Variants in VPS35L observed in about 807,000 individuals in gnomAD.
VPS35L encodes VPS35 endosomal protein-sorting factor-like.
Under a neutral mutation model 133.0 loss-of-function variants are expected in VPS35L, and 83 were observed. The observed-to-expected ratio is 0.62, with a 90% CI of 0.52 to 0.75. The LOEUF is 0.75. Among genes scored for constraint, VPS35L ranks in the 30% least tolerant of loss-of-function variants. The probability of loss-of-function intolerance (pLI) is 0.00; values close to 1 mark genes in which losing one functional copy is unlikely to be tolerated. For missense variants in VPS35L, 1,083 were observed against 1,206.8 expected (o/e 0.90, Z 1.52); for synonymous variants, 423 against 449.9 (o/e 0.94, Z 0.76).
chr16:19,620,069 G>A lies in VPS35L; in HGVS notation c.1224+3261G>A, dbSNP rs138103775. On this transcript the variant is annotated intron_variant, in intron 14 of 30. Coordinates refer to ENST00000417362, the MANE Select transcript of VPS35L (RefSeq NM_020314.7). The stretch of plus-strand genomic sequence containing the variant: ...TATCTCATCTACAGAATTTCAAATC[G>A]AAATTGAAATCCAAGGTAAAAAATC... Among the ~76,000 whole-genome samples, 64 of 152,216 alleles carry A rather than the reference G, an allele frequency of 4.2e-4. 1 individual carries two copies. The East Asian group carries it at 0.011, about 26-fold the overall frequency.
At chr16:19,674,473 G>T (rs1468799821) in intron 27 of VPS35L, among the ~76,000 whole-genome samples, 1 of 151,964 alleles carries the variant, frequency 6.6e-6, no homozygotes, top group African/African-American at 2.4e-5. Flanking sequence ...TGGGATTTGT[G>T]CTGGGATTAC....
At chr16:19,634,715 A>G (rs1404435958) in intron 19 of VPS35L, among the ~76,000 whole-genome samples, 1 of 152,224 alleles carries the variant, frequency 6.6e-6, no homozygotes, top group Non-Finnish European at 1.5e-5. Flanking sequence ...TTATCAGTGT[A>G]TGCTAACCCT....
intron 7 of VPS35L, among the ~76,000 whole-genome samples, chr16:19,583,911 C>T (rs890687963): frequency 6.6e-6 from 1 of 152,170 alleles, no homozygotes; most frequent in Non-Finnish European, 1.5e-5. Flanking sequence ...TTCTACTCTC[C>T]ACTTCTATGA....
chr16:19,633,263 C>T lies in VPS35L; in HGVS notation c.1635+91C>T. On this transcript the variant is annotated intron_variant, in intron 19 of 30. Transcript: ENST00000417362. The surrounding 1 kb of genome is among the most constrained non-coding windows in gnomAD (Gnocchi z 4.1). The stretch of plus-strand genomic sequence containing the variant: ...TGTTGTATGGGTCAGGCTATAAAGG[C>T]ACATAATCCTGTGTTTGAATCATAG... 1 of 1,131,482 alleles carries T rather than the reference C, an allele frequency of 8.8e-7. No individual in the cohort carries two copies. Among genetic ancestry groups the T allele is most frequent in the Middle Eastern group, 2.0e-4 (1 of 5,112 alleles). 70.1% of individuals were successfully genotyped at this position (1,131,482 alleles called of 1,614,324 possible). A position where few individuals can be genotyped will look rare whatever the true frequency, so the allele number is the denominator to read the frequency against.
intron 26 of VPS35L, among the ~76,000 whole-genome samples, chr16:19,664,718 G>GC (rs1974604606): frequency 3.3e-5 from 5 of 152,096 alleles, no homozygotes; most frequent in Middle Eastern, 3.4e-3. Flanking sequence ...TGCCCAACAT[G>GC]GTGAAACCCC....
At chr16:19,604,103 A>G (rs1186612477) in intron 9 of VPS35L, among the ~76,000 whole-genome samples, 1 of 151,784 alleles carries the variant, frequency 6.6e-6, no homozygotes, top group African/African-American at 2.4e-5. Context: ...TTGAGCCAAC[A>G]GGTGGAACTG....
At chr16:19,666,928 C>CTTTCTTTCT (rs1377058679) in intron 26 of VPS35L, among the ~76,000 whole-genome samples, 1 of 85,946 alleles carries the variant, frequency 1.2e-5, no homozygotes, top group Non-Finnish European at 2.4e-5. Context: ...TTCTTTCTTT[C>CTTTCTTTCT]TTTCTTCCTT....
At chr16:19,560,580 G>C (rs1158812864) in intron 1 of VPS35L, among the ~76,000 whole-genome samples, 1 of 152,146 alleles carries the variant, frequency 6.6e-6, no homozygotes, top group Non-Finnish European at 1.5e-5. Context: ...TGGTTCACTT[G>C]AGGTCAGGAC....
chr16:19,610,039 A>G (rs1427635435), intron 11 of VPS35L, among the ~76,000 whole-genome samples: 1 of 152,214 alleles, frequency 6.6e-6, no homozygotes, highest in Non-Finnish European at 1.5e-5. Flanking sequence ...GTTAAAATTA[A>G]TAAAATAAAT....
intron 30 of VPS35L, 21 bp from the exon 31 acceptor site, chr16:19,700,357 G>C: frequency 1.3e-6 from 2 of 1,592,970 alleles, no homozygotes; most frequent in South Asian, 2.2e-5. Flanking sequence ...AAAGGAGATG[G>C]ATCTTTCTTT....
Position 19,608,277 on chromosome 16 carries a change from A to G in VPS35L, c.881+3A>G. ...ATCAGGGAACTCATTCCAAGATTGT[A>G]TCCTTTTTTTTTTTTTTGGTCTGAT... On this transcript the variant is annotated splice_donor_region_variant and intron_variant, in intron 10 of 30. Coordinates refer to ENST00000417362, the MANE Select transcript of VPS35L (RefSeq NM_020314.7). The G allele has an allele frequency of 6.7e-7, 1 of 1,496,710 alleles. No individual in the cohort carries two copies. The highest frequency in any genetic ancestry group is 9.1e-7 in the Non-Finnish European group (1 of 1,099,288). 92.7% of individuals were successfully genotyped at this position (1,496,710 alleles called of 1,614,324 possible).
chr16:19,622,140 C>CTTTTTTTTTTTTT (rs60521137), intron 14 of VPS35L, among the ~76,000 whole-genome samples: 14 of 107,918 alleles, frequency 1.3e-4, no homozygotes, highest in East Asian at 3.3e-4. Flanking sequence ...CCATGTATAT[C>CTTTTTTTTTTTTT]TTTTTTTTTT....
At chr16:19,603,661 A>G (rs1190608990) in intron 9 of VPS35L, among the ~76,000 whole-genome samples, 1 of 152,186 alleles carries the variant, frequency 6.6e-6, no homozygotes, top group Non-Finnish European at 1.5e-5. Flanking sequence ...AGAGGCAGGC[A>G]GAGGCCAGCC....
intron 7 of VPS35L, among the ~76,000 whole-genome samples, chr16:19,584,175 G>A (rs920993328): frequency 6.6e-6 from 1 of 152,234 alleles, no homozygotes; most frequent in South Asian, 2.1e-4. Context: ...GGTACTGCTG[G>A]TATTTCTTTG....
intron 28 of VPS35L, among the ~76,000 whole-genome samples, chr16:19,684,367 C>A (rs1182858863): frequency 2.6e-5 from 4 of 152,170 alleles, no homozygotes; most frequent in Non-Finnish European, 4.4e-5. Flanking sequence ...AGTTAAAAAA[C>A]CAACTCTACA....
At chr16:19,691,079 T>G (rs190353872) in intron 28 of VPS35L, among the ~76,000 whole-genome samples, 163 of 152,258 alleles carry the variant, frequency 1.1e-3, no homozygotes, top group Admixed American at 2.8e-3. Context: ...TGATGATGAT[T>G]ATTATTATTA....
chr16:19,632,326 T>A (rs888905975), intron 18 of VPS35L, among the ~76,000 whole-genome samples: 1 of 152,152 alleles, frequency 6.6e-6, no homozygotes, highest in African/African-American at 2.4e-5. Context: ...ATTGTCTCAT[T>A]TTTTTTAAGT....
intron 6 of VPS35L, among the ~76,000 whole-genome samples, chr16:19,581,199 T>C (rs888726629): frequency 1.3e-5 from 2 of 152,112 alleles, no homozygotes; most frequent in African/African-American, 4.8e-5. Flanking sequence ...GAGGTAAGTC[T>C]TGTTACCTCA....
intron 28 of VPS35L, among the ~76,000 whole-genome samples, chr16:19,684,968 G>A (rs191200942): frequency 6.6e-6 from 1 of 151,006 alleles, no homozygotes; most frequent in Non-Finnish European, 1.5e-5. Flanking sequence ...TGATGCAGGC[G>A]AATCGCTTGA....
Sources: allele counts gnomAD v4.1 joint callset (sites outside exome capture counted in the v4.1 genomes callset), GRCh38; gene constraint gnomAD v4.1.1; non-coding constraint Gnocchi (gnomAD v3.1); transcripts MANE v1.5; gene names NCBI Gene and HGNC (gene_info 2026-07-23, HGNC 2026-07-21).